The following UBE2W variants were observed in gnomAD, a reference collection of about 807,000 sequenced individuals.
UBE2W encodes the protein ubiquitin-conjugating enzyme E2 W.
UBE2W carries 18 observed loss-of-function variants against 27.2 expected under a neutral mutation model. That is an observed-to-expected ratio of 0.66 (90% CI 0.46 to 0.98). UBE2W has a LOEUF of 0.98. Ranked by LOEUF, UBE2W falls within the 50% of genes least tolerant of loss-of-function variation. The probability of loss-of-function intolerance (pLI) is 0.00; values close to 1 mark genes in which losing one functional copy is unlikely to be tolerated. For missense variants in UBE2W, 90 were observed against 180.2 expected, an observed-to-expected ratio of 0.50 and a Z score of 2.87; for synonymous variants, 53 against 57.2, an observed-to-expected ratio of 0.93 and a Z score of 0.33.
At chr8:73,823,535 G>C (rs1011277532) in intron 3 of UBE2W, among the ~76,000 whole-genome samples, 1 of 152,162 alleles carries the variant, frequency 6.6e-6, no homozygotes, top group Non-Finnish European at 1.5e-5. Flanking sequence ...GATGAAAACA[G>C]ACTGAGATCC....
Position 73,789,769 on chromosome 8 carries a change from T to C in UBE2W, c.*4333A>G. 2.7e-6 allele frequency: 1 copy of C among 367,268 alleles called. No homozygotes were observed. The highest frequency in any genetic ancestry group is 3.8e-6 in the Non-Finnish European group (1 of 265,536). 22.8% of individuals were successfully genotyped at this position (367,268 alleles called of 1,614,324 possible). A position where few individuals can be genotyped will look rare whatever the true frequency, so the allele number is the denominator to read the frequency against. The stretch of plus-strand genomic sequence containing the variant: ...AGGAGAATCGCTTAGACCCAGGAGG[T>C]GGAGATTGAAATGAGCCAAGATCGT... On this transcript the variant is annotated 3_prime_UTR_variant, in exon 6 of 6. Transcript: ENST00000602593.
Position 73,786,839 on chromosome 8 carries a change from T to C in UBE2W, c.*7263A>G. On this transcript the variant is annotated 3_prime_UTR_variant, in exon 6 of 6. Coordinates refer to ENST00000602593, the MANE Select transcript of UBE2W (RefSeq NM_018299.6). ...GGAGAGGACTACTGAGTATCATTGCTTGATTAAGTTGGATGGGAATGTCAT... is the reference window on the plus strand; with the variant it reads ...GGAGAGGACTACTGAGTATCATTGCCTGATTAAGTTGGATGGGAATGTCAT... 1.0e-6 allele frequency: 1 copy of C among 985,422 alleles called. No individual in the cohort carries two copies. Among genetic ancestry groups the C allele is most frequent in the South Asian group, 4.7e-5 (1 of 21,290 alleles). The allele number at this position is 985,422 out of a possible 1,614,324, so 61.0% of individuals were successfully genotyped here.
chr8:73,792,327 T>A lies in UBE2W; in HGVS notation c.*1775A>T. On this transcript the variant is annotated 3_prime_UTR_variant, in exon 6 of 6. Coordinates refer to ENST00000602593, the MANE Select transcript of UBE2W (RefSeq NM_018299.6). ...GCAGTATATAAACAGTGTCCACAATTTGGTGGCTGGCCACGGTTTTAATTT... is the reference window on the plus strand; with the variant it reads ...GCAGTATATAAACAGTGTCCACAATATGGTGGCTGGCCACGGTTTTAATTT... 1.0e-6 allele frequency: 1 copy of A among 985,388 alleles called. No homozygotes were observed. Among genetic ancestry groups the A allele is most frequent in the African/African-American group, 1.7e-5 (1 of 57,354 alleles). 61.0% of individuals were successfully genotyped at this position (985,388 alleles called of 1,614,324 possible). A position where few individuals can be genotyped will look rare whatever the true frequency, so the allele number is the denominator to read the frequency against.
At chr8:73,874,188 T>G (rs552654206) in intron 1 of UBE2W, among the ~76,000 whole-genome samples, 152 of 151,742 alleles carry the variant, frequency 1.0e-3, no homozygotes, top group African/African-American at 3.4e-3. Context: ...TCCCAGCACT[T>G]TGGGAGGCCG....
At chr8:73,815,968 A>G (rs764551590) in intron 3 of UBE2W, among the ~76,000 whole-genome samples, 15 of 152,320 alleles carry the variant, frequency 9.8e-5, no homozygotes, top group Middle Eastern at 3.4e-3. Context: ...ACTAAATCAG[A>G]TATTTATGTA....
At chr8:73,836,200 A>G (rs1810303146) in intron 1 of UBE2W, among the ~76,000 whole-genome samples, 1 of 152,134 alleles carries the variant, frequency 6.6e-6, no homozygotes, top group Non-Finnish European at 1.5e-5. Context: ...CATTCACTGG[A>G]CCATGCTTTT....
intron 1 of UBE2W, among the ~76,000 whole-genome samples, chr8:73,845,123 G>A (rs994038118): frequency 0.02 from 587 of 29,602 alleles, no homozygotes; most frequent in Middle Eastern, 0.048. Context: ...CCGCCGCCCC[G>A]TCTGGGAGGT....
intron 1 of UBE2W, among the ~76,000 whole-genome samples, chr8:73,837,927 T>C (rs1474527962): frequency 6.6e-6 from 1 of 151,768 alleles, no homozygotes; most frequent in Non-Finnish European, 1.5e-5. Context: ...CAGAAGAGGC[T>C]GTTTCCTTTT....
chr8:73,834,376 G>A (rs1377218167), intron 1 of UBE2W, among the ~76,000 whole-genome samples: 12 of 152,146 alleles, frequency 7.9e-5, no homozygotes, highest in Admixed American at 5.9e-4. Flanking sequence ...CTGTGATCAC[G>A]TACATTTTTT....
At chr8:73,812,706 T>A (rs186443478) in intron 3 of UBE2W, among the ~76,000 whole-genome samples, 1 of 152,116 alleles carries the variant, frequency 6.6e-6, no homozygotes, top group Non-Finnish European at 1.5e-5. Context: ...TGGCCACAAT[T>A]ATTTTTTTAA....
intron 1 of UBE2W, among the ~76,000 whole-genome samples, chr8:73,875,924 G>A (rs1812200220): frequency 6.6e-6 from 1 of 152,010 alleles, no homozygotes; most frequent in African/African-American, 2.4e-5. Flanking sequence ...GTGGTGGCCA[G>A]CGCCTGTAAT....
intron 1 of UBE2W, among the ~76,000 whole-genome samples, chr8:73,872,145 G>T (rs1812031679): frequency 6.6e-6 from 1 of 152,178 alleles, no homozygotes; most frequent in Admixed American, 6.5e-5. Flanking sequence ...GCGGTGGCCA[G>T]CCTTGAAGGA....
chr8:73,790,872 G>A lies in UBE2W; in HGVS notation c.*3230C>T. 18 of 985,058 alleles carry A rather than the reference G, an allele frequency of 1.8e-5. No homozygotes were observed. Among genetic ancestry groups the A allele is most frequent in the Non-Finnish European group, 2.2e-5 (18 of 829,714 alleles). The allele number at this position is 985,058 out of a possible 1,614,324, so 61.0% of individuals were successfully genotyped here. On this transcript the variant is annotated 3_prime_UTR_variant, in exon 6 of 6. Coordinates refer to ENST00000602593, the MANE Select transcript of UBE2W (RefSeq NM_018299.6). ...ACAATTAAGCAGTCACTAGACACCTGTTTTAGAATCTGAAGAAATTATTAT... is the reference window on the plus strand; with the variant it reads ...ACAATTAAGCAGTCACTAGACACCTATTTTAGAATCTGAAGAAATTATTAT...
chr8:73,859,035 C>A (rs928965231), intron 1 of UBE2W, among the ~76,000 whole-genome samples: 1 of 147,790 alleles, frequency 6.8e-6, no homozygotes, highest in African/African-American at 2.5e-5. Context: ...TTTTTGCTTT[C>A]TTTTTGGTGA....
At position 73,786,271 on chromosome 8, in the gene UBE2W, TAGAA is replaced by T; in HGVS notation, c.*7827_*7830del. ...AGTAGTTTTCTCAAACTCTCTGGGA[TAGAA>T]AGAGCAGGGTCCTGTTATACATTTT... On this transcript the variant is annotated 3_prime_UTR_variant, in exon 6 of 6. Transcript: ENST00000602593. The T allele has an allele frequency of 1.0e-6, 1 of 985,436 alleles. No homozygotes were observed. Among genetic ancestry groups the T allele is most frequent in the Admixed American group, 6.1e-5 (1 of 16,278 alleles). The allele number at this position is 985,436 out of a possible 1,614,324, so 61.0% of individuals were successfully genotyped here. A position where few individuals can be genotyped will look rare whatever the true frequency, so the allele number is the denominator to read the frequency against.
At chr8:73,843,921 G>A (rs1036658911) in intron 1 of UBE2W, among the ~76,000 whole-genome samples, 2 of 152,068 alleles carry the variant, frequency 1.3e-5, no homozygotes, top group Non-Finnish European at 2.9e-5. Context: ...CCCGTGAGAC[G>A]GAGGTTGCAG....
chr8:73,781,627 T>TG (rs201527058), downstream of UBE2W, among the ~76,000 whole-genome samples: 11 of 151,324 alleles, frequency 7.3e-5, no homozygotes, highest in South Asian at 1.5e-3. Flanking sequence ...GGGTTTTTTT[T>TG]TTTTTTTTTT....
chr8:73,787,542 AG>A lies in UBE2W; in HGVS notation c.*6559del. ...CTTGAGACATGATCGTTTTTATGGC[AG>A]AATGGCTGCCTCAATGAGGACTAAG... is the stretch of plus-strand genomic sequence containing the variant. On this transcript the variant is annotated 3_prime_UTR_variant, in exon 6 of 6. Transcript: ENST00000602593. 1.0e-6 allele frequency: 1 copy of A among 985,486 alleles called. No homozygotes were observed. Among genetic ancestry groups the A allele is most frequent in the Non-Finnish European group, 1.2e-6 (1 of 829,942 alleles). The allele number at this position is 985,486 out of a possible 1,614,324, so 61.0% of individuals were successfully genotyped here. A position where few individuals can be genotyped will look rare whatever the true frequency, so the allele number is the denominator to read the frequency against.
intron 1 of UBE2W, among the ~76,000 whole-genome samples, chr8:73,848,104 G>A (rs1396438736): frequency 1.3e-5 from 2 of 152,092 alleles, no homozygotes; most frequent in African/African-American, 4.8e-5. Context: ...GGGAGGCTGA[G>A]GCAAGAGAAT....
Sources: allele counts gnomAD v4.1 joint callset (sites outside exome capture counted in the v4.1 genomes callset), GRCh38; gene constraint gnomAD v4.1.1; transcripts MANE v1.5; gene names NCBI Gene and HGNC (gene_info 2026-07-23, HGNC 2026-07-21).